Variants in MTMR8 observed in about 807,000 individuals in gnomAD.
MTMR8 encodes the protein phosphatidylinositol-3,5-bisphosphate 3-phosphatase MTMR8.
A neutral mutation model predicts 39.3 loss-of-function variants in MTMR8; 65 were observed. The ratio of observed to expected loss-of-function variants is 1.65; its 90% CI spans 1.35 to 2.03. MTMR8 has a LOEUF of 2.03. MTMR8 is among the 30% of genes most tolerant of loss of function. The probability of loss-of-function intolerance (pLI) is 0.00; values close to 1 mark genes in which losing one functional copy is unlikely to be tolerated. For synonymous variants in MTMR8, 245 were observed against 185.2 expected, an observed-to-expected ratio of 1.32 and a Z score of -2.62; for missense variants, 777 against 538.9, an observed-to-expected ratio of 1.44 and a Z score of -4.37.
Position 64,331,537 on chromosome X carries a change from T to C in MTMR8, c.1352+20A>G, listed in dbSNP as rs1448538518. The C allele has an allele frequency of 4.2e-6, 5 of 1,198,740 alleles. No homozygotes were observed. The highest frequency in any genetic ancestry group is 5.6e-6 in the Non-Finnish European group (5 of 886,385). ...GACCACCTTCTCCCTGTTCAGTGTCTTCTCACAAAGTAAATTCACCTTAGA... is the reference window on the plus strand; with the variant it reads ...GACCACCTTCTCCCTGTTCAGTGTCCTCTCACAAAGTAAATTCACCTTAGA... On this transcript the variant is annotated intron_variant, in intron 11 of 13. Coordinates refer to ENST00000374852, the MANE Select transcript of MTMR8 (RefSeq NM_017677.4).
At chrX:64,351,466 A>C (rs1923485419) in intron 4 of MTMR8, among the ~76,000 whole-genome samples, 1 of 111,759 alleles carries the variant, frequency 8.9e-6, no homozygotes, top group South Asian at 3.8e-4. Flanking sequence ...CCTGATTGCT[A>C]CCTGTGTTAG....
chrX:64,276,664 T>C (rs1962508965), intron 12 of MTMR8, among the ~76,000 whole-genome samples: 1 of 111,715 alleles, frequency 9.0e-6, no homozygotes, highest in African/African-American at 3.3e-5. Flanking sequence ...ATGATTTCCA[T>C]TCTTTTGTAT....
At position 64,268,668 on chromosome X, in the gene MTMR8, C is replaced by T; in HGVS notation, c.1984G>A (p.Glu662Lys). 8.3e-7 allele frequency: 1 copy of T among 1,211,619 alleles called. No individual in the cohort carries two copies. Among genetic ancestry groups the T allele is most frequent in the African/African-American group, 1.7e-5 (1 of 57,715 alleles). The change falls in exon 14 of 14, where the codon GAG becomes AAG. Residue 662 changes from glutamate to lysine, a missense_variant. By Grantham distance (56) the Glu-to-Lys change is moderately conservative. Transcript: ENST00000374852. The stretch of plus-strand genomic sequence containing the variant: ...AAGTTTCCAGAGATGCCAGTGGCCT[C>T]AGAGATGTCCATGGCCCCACAGATT... ...LGICGAMDIS[E>K]ATGISGNLGI...
chrX:64,390,372 C>A (rs1015913465), intron 1 of MTMR8, among the ~76,000 whole-genome samples: 1 of 112,251 alleles, frequency 8.9e-6, no homozygotes, highest in African/African-American at 3.2e-5. Flanking sequence ...TCCAGGATAG[C>A]ATTCTGTACC....
In MTMR8 at chrX:64,381,919, T is replaced by A. The variant is rs1238664677; in HGVS notation, c.24+13421A>T. ...GTCAAAGATCAGATGGTTGTAGATA[T>A]GCGGCATTAGTTCTGAGGGCTCTGT... On this transcript the variant is annotated intron_variant, in intron 1 of 13. Transcript: ENST00000374852. Among the ~76,000 whole-genome samples, 3 of 111,805 alleles carry A rather than the reference T, an allele frequency of 2.7e-5. No individual in the cohort carries two copies. The South Asian group carries it at 1.1e-3, about 42-fold the overall frequency.
At chrX:64,381,388 A>G (rs1001712493) in intron 1 of MTMR8, among the ~76,000 whole-genome samples, 17 of 110,861 alleles carry the variant, frequency 1.5e-4, no homozygotes, top group African/African-American at 5.6e-4. Flanking sequence ...TTGGCTGCAT[A>G]AATGTCTTTT....
At chrX:64,365,430 G>A (rs1260083634) in intron 1 of MTMR8, among the ~76,000 whole-genome samples, 1 of 111,836 alleles carries the variant, frequency 8.9e-6, no homozygotes, top group Non-Finnish European at 1.9e-5. Context: ...AATTCTACAA[G>A]CCAGAAGAGA....
chrX:64,297,342 C>G (rs1266292663), intron 12 of MTMR8, among the ~76,000 whole-genome samples: 14 of 109,771 alleles, frequency 1.3e-4, no homozygotes, highest in African/African-American at 4.3e-4. Context: ...TGATGATGAG[C>G]ATTTTTTCAT....
intron 1 of MTMR8, among the ~76,000 whole-genome samples, chrX:64,366,265 A>G (rs1379074064): frequency 8.9e-6 from 1 of 111,907 alleles, no homozygotes; most frequent in East Asian, 2.8e-4. Context: ...CCTAACAGAC[A>G]TCTACAGCAC....
intron 12 of MTMR8, among the ~76,000 whole-genome samples, chrX:64,300,195 T>A (rs913405231): frequency 1.8e-5 from 2 of 108,117 alleles, no homozygotes; most frequent in Non-Finnish European, 3.8e-5. Flanking sequence ...AAGTCTCCCA[T>A]TATTAATGTG....
intron 2 of MTMR8, among the ~76,000 whole-genome samples, chrX:64,357,539 G>C (rs1256446095): frequency 1.8e-5 from 2 of 110,964 alleles, no homozygotes; most frequent in African/African-American, 6.6e-5. Flanking sequence ...AGATCATCTT[G>C]CCTCAGCCTC....
At chrX:64,314,926 C>A (rs748081809) in intron 12 of MTMR8, among the ~76,000 whole-genome samples, 1 of 111,497 alleles carries the variant, frequency 9.0e-6, no homozygotes, top group East Asian at 2.9e-4. Context: ...CAGGCTGGGG[C>A]CCTAAGAGAG....
intron 1 of MTMR8, among the ~76,000 whole-genome samples, chrX:64,394,857 C>A (rs1924780817): frequency 8.9e-6 from 1 of 112,149 alleles, no homozygotes; most frequent in East Asian, 2.8e-4. Context: ...GGAGCTGGAG[C>A]GAGAGTGGGG....
chrX:64,359,819 G>A (rs1185715469), intron 1 of MTMR8, among the ~76,000 whole-genome samples: 5 of 108,827 alleles, frequency 4.6e-5, no homozygotes, highest in African/African-American at 1.7e-4. Flanking sequence ...AGAGCCTGCT[G>A]AGGTACTTAT....
At chrX:64,346,780 T>G (rs1439645289) in intron 6 of MTMR8, among the ~76,000 whole-genome samples, 1 of 110,911 alleles carries the variant, frequency 9.0e-6, no homozygotes, top group Non-Finnish European at 1.9e-5. Context: ...CACCAACCCT[T>G]TTGTTTCTTC....
Position 64,343,660 on chromosome X carries a change from C to T in MTMR8, c.926G>A (p.Trp309Ter), listed in dbSNP as rs774350336. The T allele has an allele frequency of 1.9e-5, 23 of 1,208,587 alleles. No homozygotes were observed. In the Admixed American group the frequency reaches 4.4e-4, roughly 23 times the overall value. ...CATAATAGCTTTAATGTGTCTTAAC[C>T]ACCCTGAGCTCTCCAGGCCGCTAAG... ...EFLSGLESSG[W>*]LRHIKAIMDA... Residue 309 changes from tryptophan (W) to a stop codon, truncating the protein, a stop_gained, in exon 8 of 14, where the codon TGG becomes TAG. Transcript: ENST00000374852. LOFTEE classifies it high-confidence loss of function.
intron 8 of MTMR8, among the ~76,000 whole-genome samples, chrX:64,341,410 C>T (rs1371573318): frequency 2.1e-5 from 2 of 96,488 alleles, no homozygotes; most frequent in Non-Finnish European, 4.0e-5. Context: ...ATCCGGTAGG[C>T]GGAGGTTGCA....
chrX:64,271,033 G>T lies in MTMR8; in HGVS notation c.1522C>A (p.Gln508Lys). Residue 508 changes from glutamine (Q) to lysine (K), a missense_variant, in exon 13 of 14, where the codon CAG (glutamine) becomes AAG (lysine). Coordinates refer to ENST00000374852, the MANE Select transcript of MTMR8 (RefSeq NM_017677.4). ...CTCTCTAGCATACTCTGCTTGGGCT[G>T]CAGCCCTTTGTCAAAGCGGTTATAC... ...GMYNRFDKGL[Q>K]PKQSMLESLL... 8.3e-7 allele frequency: 1 copy of T among 1,207,174 alleles called. No individual in the cohort carries two copies. The highest frequency in any genetic ancestry group is 1.7e-5 in the African/African-American group (1 of 57,539).
chrX:64,327,406 T>C (rs960025359), intron 12 of MTMR8, among the ~76,000 whole-genome samples: 2 of 111,641 alleles, frequency 1.8e-5, no homozygotes, highest in African/African-American at 6.5e-5. Context: ...GATATACAAA[T>C]GGCCAATAGG....
Sources: allele counts gnomAD v4.1 joint callset (sites outside exome capture counted in the v4.1 genomes callset), GRCh38; gene constraint gnomAD v4.1.1; transcripts MANE v1.5; gene names NCBI Gene and HGNC (gene_info 2026-07-23, HGNC 2026-07-21).